Variants in ZNF286A observed in about 807,000 individuals in gnomAD.
ZNF286A encodes zinc finger protein 286A.
Under a neutral mutation model 49.3 loss-of-function variants are expected in ZNF286A, and 34 were observed. The observed-to-expected ratio is 0.69, with a 90% CI of 0.52 to 0.92. The LOEUF is 0.92. Ranked by LOEUF, ZNF286A falls within the 40% of genes least tolerant of loss-of-function variation. ZNF286A has a pLI of 0.00. For missense variants in ZNF286A, 462 were observed against 600.2 expected, an observed-to-expected ratio of 0.77 and a Z score of 2.41; for synonymous variants, 155 against 200.4, an observed-to-expected ratio of 0.77 and a Z score of 1.91.
At chr17:15,704,263 G>A (rs1376813540) in intron 3 of ZNF286A, 241 of 1,606,114 alleles carry the variant, frequency 1.5e-4, no homozygotes, top group Non-Finnish European at 1.9e-4. Context: ...CTTCTTGTCC[G>A]TCTTTTTCTT....
intron 3 of ZNF286A, among the ~76,000 whole-genome samples, chr17:15,705,702 A>C (rs189452579): frequency 6.6e-6 from 1 of 152,306 alleles, no homozygotes; most frequent in African/African-American, 2.4e-5. Context: ...TTGAAATATT[A>C]TTCCTGTTGT....
At chr17:15,714,868 A>T (rs1045545222) in intron 5 of ZNF286A, among the ~76,000 whole-genome samples, 1 of 152,094 alleles carries the variant, frequency 6.6e-6, no homozygotes, top group Non-Finnish European at 1.5e-5. Context: ...TGAGTGACTC[A>T]TCTAACTTAA....
intron 3 of ZNF286A, among the ~76,000 whole-genome samples, chr17:15,703,142 C>T (rs570693636): frequency 2.6e-5 from 4 of 152,336 alleles, no homozygotes; most frequent in East Asian, 1.9e-4. Flanking sequence ...TACACATGCG[C>T]GTGCACGCAC....
In ZNF286A at chr17:15,717,819, A is replaced by C. The variant is rs566040586; in HGVS notation, c.*529A>C. ...AAAATGCTGGGTTCAAAGTCCTTAG[A>C]ATTCCCTTCCTCCCTCAACAAGCTG... On this transcript the variant is annotated 3_prime_UTR_variant, in exon 6 of 6. Coordinates refer to ENST00000583566, the MANE Select transcript of ZNF286A (RefSeq NM_001130842.2). 11 of 156,062 alleles carry C rather than the reference A, an allele frequency of 7.0e-5. No homozygotes were observed. The highest frequency in any genetic ancestry group is 1.3e-4 in the Non-Finnish European group (9 of 70,444). 9.7% of individuals were successfully genotyped at this position (156,062 alleles called of 1,614,324 possible).
At chr17:15,706,313 G>C in intron 3 of ZNF286A, 74 bp from the exon 4 acceptor site, 1 of 1,253,486 alleles carries the variant, frequency 8.0e-7, no homozygotes, top group Non-Finnish European at 1.2e-6. Context: ...TTTTGCTCCA[G>C]GGCCAGCAGA....
chr17:15,709,389 G>A, intron 5 of ZNF286A, among the ~76,000 whole-genome samples: 1 of 151,482 alleles, frequency 6.6e-6, no homozygotes, highest in African/African-American at 2.4e-5. Context: ...CTACTTGGGA[G>A]GCTGAGGCAG....
At chr17:15,708,105 T>G (rs1312149082) in intron 4 of ZNF286A, 50 bp from the exon 5 acceptor site, 8 of 1,350,774 alleles carry the variant, frequency 5.9e-6, no homozygotes, top group Non-Finnish European at 5.9e-6. Context: ...ACAAATAACT[T>G]ACTCCCATTA....
In ZNF286A at chr17:15,711,868, C is replaced by G. The variant is rs938323059; in HGVS notation, c.334+3621C>G. 4.3e-3 allele frequency among the ~76,000 whole-genome samples: 393 copies of G among 92,416 alleles called. 21 individuals are homozygous for G. Among genetic ancestry groups the G allele is most frequent in the African/African-American group, 0.013 (336 of 25,340 alleles). 60.6% of individuals were successfully genotyped at this position (92,416 alleles called of 152,430 possible). On this transcript the variant is annotated intron_variant, in intron 5 of 5. Transcript: ENST00000583566. ...GCATTTATCTGTAATCTGCCCCCCC[C>G]CCGGCTTTTTTTTTTTTTTTTGAGA...
At chr17:15,711,475 AACTTGAG>A (rs1990642207) in intron 5 of ZNF286A, 1 of 152,158 alleles carries the variant, frequency 6.6e-6, no homozygotes, top group African/African-American at 2.4e-5. Flanking sequence ...TGGAGTCATA[AACTTGAG>A]TACTTACATG....
At position 15,716,531 on chromosome 17, in the gene ZNF286A, A is replaced by G. The variant is rs760521091; in HGVS notation, c.807A>G (p.Lys269=). The stretch of plus-strand genomic sequence containing the variant: ...ACCAGAGAGTCCATACTGGAGAGAA[A>G]CCCTATACCTGCAATGAATGTGGGA... ...IRHQRVHTGE[K]PYTCNECGKS... Residue 269 remains lysine (K), a synonymous_variant, in exon 6 of 6, where the codon AAA becomes AAG. Transcript: ENST00000583566. 3 of 1,613,988 alleles carry G rather than the reference A, an allele frequency of 1.9e-6. No homozygotes were observed. The highest frequency in any genetic ancestry group is 2.2e-5 in the South Asian group (2 of 91,084).
At chr17:15,705,913 T>A in intron 3 of ZNF286A, among the ~76,000 whole-genome samples, 1 of 152,252 alleles carries the variant, frequency 6.6e-6, no homozygotes, top group East Asian at 1.9e-4. Context: ...GGATTGGTTT[T>A]TTGCTGTCTT....
chr17:15,714,805 G>T (rs1175932996), intron 5 of ZNF286A, among the ~76,000 whole-genome samples: 1 of 151,962 alleles, frequency 6.6e-6, no homozygotes. Flanking sequence ...GAAAAAAATG[G>T]ATAGAAGATG....
At chr17:15,705,143 A>T (rs1215503768) in intron 3 of ZNF286A, among the ~76,000 whole-genome samples, 1 of 152,172 alleles carries the variant, frequency 6.6e-6, no homozygotes, top group African/African-American at 2.4e-5. Flanking sequence ...TAGTAGCTTT[A>T]CTTTGAGATA....
intron 5 of ZNF286A, among the ~76,000 whole-genome samples, chr17:15,710,835 G>A (rs1483807640): frequency 1.3e-5 from 2 of 151,544 alleles, no homozygotes; most frequent in African/African-American, 4.8e-5. Context: ...TATATATGAG[G>A]TTTTTACCTT....
rs1219552356 is a variant in ZNF286A at position 15,718,913 on chromosome 17, T to A, written c.*1623T>A. The A allele has an allele frequency of 7.3e-6, 1 of 136,618 alleles. No homozygotes were observed. The highest frequency in any genetic ancestry group is 1.6e-5 in the Non-Finnish European group (1 of 64,440). The allele number at this position is 136,618 out of a possible 1,614,324, so 8.5% of individuals were successfully genotyped here. On this transcript the variant is annotated 3_prime_UTR_variant, in exon 6 of 6. Transcript: ENST00000583566. The stretch of plus-strand genomic sequence containing the variant: ...GCCAGAGCAGGTATCTTCACAGGGC[T>A]AGAGCAAGAGGAAAAGAGAGAGGGG...
At chr17:15,702,590 C>A (rs1323526146) in intron 3 of ZNF286A, among the ~76,000 whole-genome samples, 4 of 151,992 alleles carry the variant, frequency 2.6e-5, no homozygotes, top group African/African-American at 9.7e-5. Flanking sequence ...CCCAGAGATT[C>A]CTCAATCAGC....
intron 3 of ZNF286A, among the ~76,000 whole-genome samples, chr17:15,705,572 T>C (rs1990169910): frequency 6.6e-6 from 1 of 152,202 alleles, no homozygotes; most frequent in Admixed American, 6.5e-5. Flanking sequence ...ATTATTCCGT[T>C]CTATTTTTGG....
chr17:15,718,691 A>G lies in ZNF286A; in HGVS notation c.*1401A>G, dbSNP rs1049666247. The G allele has an allele frequency of 3.3e-5, 5 of 150,828 alleles. 1 individual carries two copies. The highest frequency in any genetic ancestry group is 1.2e-4 in the African/African-American group (5 of 40,446). The allele number at this position is 150,828 out of a possible 1,614,324, so 9.3% of individuals were successfully genotyped here. ...AGCTTCCCTTCGTGAAGAAGTTGCC[A>G]TTTCTCTGGCCTTCATATTTATCTA... is the stretch of plus-strand genomic sequence containing the variant. On this transcript the variant is annotated 3_prime_UTR_variant, in exon 6 of 6. Transcript: ENST00000583566.
intron 5 of ZNF286A, among the ~76,000 whole-genome samples, chr17:15,712,324 A>T (rs1446263904): frequency 6.6e-6 from 1 of 152,168 alleles, no homozygotes; most frequent in African/African-American, 2.4e-5. Context: ...CATTCCCACA[A>T]CCAGTTACCT....
Sources: gnomAD v4.1 joint callset for allele counts (sites outside exome capture counted in the v4.1 genomes callset) on GRCh38, gnomAD v4.1.1 for gene constraint, MANE v1.5 for transcripts, NCBI Gene and HGNC (gene_info 2026-07-23, HGNC 2026-07-21) for gene names.